The following COA5 variants were observed in gnomAD, a reference collection of about 807,000 sequenced individuals.
COA5 encodes cytochrome c oxidase assembly factor 5, also known as protein C2orf64.
Under a neutral mutation model 11.8 loss-of-function variants are expected in COA5, and 11 were observed. That is an observed-to-expected ratio of 0.93 (90% CI 0.59 to 1.54). The LOEUF (loss-of-function observed/expected upper bound fraction) is 1.54, where lower values mean the gene tolerates loss of function less well. Ranked by LOEUF, COA5 falls within the 40% of genes most tolerant of loss-of-function variation. The pLI, the probability that COA5 is intolerant of heterozygous loss-of-function variation, is 0.00. For missense variants in COA5, 87 were observed against 89.2 expected (o/e 0.97, Z 0.10); for synonymous variants, 38 against 37.5 (o/e 1.01, Z -0.05).
At chr2:98,600,892 A>G in intron 2 of COA5, 99 bp from the exon 3 acceptor site, 1 of 778,318 alleles carries the variant, frequency 1.3e-6, no homozygotes, top group South Asian at 1.5e-5. Context: ...GAAATAAACC[A>G]GTTATTAGCA....
chr2:98,604,175 C>A lies in COA5; in HGVS notation c.116G>T (p.Arg39Leu), dbSNP rs376113873. 1 of 1,613,488 alleles carries A rather than the reference C, an allele frequency of 6.2e-7. No individual in the cohort carries two copies. The highest frequency in any genetic ancestry group is 1.7e-5 in the Admixed American group (1 of 60,014). The stretch of plus-strand genomic sequence containing the variant: ...GCAGTATCCTTCCTTCAAACACTGC[C>A]GAGGTGATTTTCCTTCCTATGACAG... Reference protein sequence around the residue: ...DCVVQEGKSPRQCLKEGYCNS... With the variant: ...DCVVQEGKSPLQCLKEGYCNS... The change falls in exon 2 of 3, where the codon CGG (arginine) becomes CTG (leucine). Residue 39 changes from arginine to leucine, a missense_variant. Physicochemically the swap from Arg to Leu is moderately radical, Grantham distance 102. Transcript: ENST00000328709.
chr2:98,607,211 T>C (rs1204969139), intron 1 of COA5, among the ~76,000 whole-genome samples: 1 of 152,212 alleles, frequency 6.6e-6, no homozygotes, highest in Non-Finnish European at 1.5e-5. Flanking sequence ...TCATCTTCGT[T>C]ATCACCAGTG....
intron 1 of COA5, among the ~76,000 whole-genome samples, chr2:98,605,147 G>A (rs975565645): frequency 1.2e-4 from 19 of 152,288 alleles, no homozygotes; most frequent in Admixed American, 1.1e-3. Flanking sequence ...ACAGTCATTC[G>A]TTATCCACTC....
chr2:98,603,182 C>T (rs1028506463), intron 2 of COA5, among the ~76,000 whole-genome samples: 2 of 152,082 alleles, frequency 1.3e-5, no homozygotes, highest in Non-Finnish European at 2.9e-5. Flanking sequence ...CCTAAGCAAA[C>T]AAAAGCATGC....
rs113077225 is a variant in COA5, at chr2:98,600,375, A to T, written c.*377T>A. 789 of 240,218 alleles carry T rather than the reference A, an allele frequency of 3.3e-3. 7 individuals carry two copies. Among genetic ancestry groups the T allele is most frequent in the African/African-American group, 0.017 (746 of 44,636 alleles). The allele number at this position is 240,218 out of a possible 1,614,324, so 14.9% of individuals were successfully genotyped here. ...AACTTTCCCAACAGACACCTTCTGG[A>T]TAGGCTGCATGTTATCGACTGTGTC... On this transcript the variant is annotated 3_prime_UTR_variant, in exon 3 of 3. Transcript: ENST00000328709.
intron 1 of COA5, among the ~76,000 whole-genome samples, chr2:98,607,916 G>A (rs748940869): frequency 3.0e-4 from 45 of 152,348 alleles, no homozygotes; most frequent in Middle Eastern, 3.4e-3. Flanking sequence ...GACACTACTG[G>A]CCAGGGCAGT....
At chr2:98,601,658 A>G (rs570653864) in intron 2 of COA5, among the ~76,000 whole-genome samples, 1 of 152,326 alleles carries the variant, frequency 6.6e-6, no homozygotes, top group South Asian at 2.1e-4. Flanking sequence ...TCCAGGCCAT[A>G]GACCTGTACC....
chr2:98,608,001 T>C (rs928051805), intron 1 of COA5, among the ~76,000 whole-genome samples: 4 of 152,272 alleles, frequency 2.6e-5, no homozygotes, highest in Admixed American at 1.3e-4. Flanking sequence ...GAAACCTGGC[T>C]TATTCTCCTT....
In COA5 at chr2:98,601,980, C is replaced by T. The variant is rs138803949; in HGVS notation, c.184-1187G>A. 6.5e-3 allele frequency among the ~76,000 whole-genome samples: 987 copies of T among 152,240 alleles called. 18 individuals are homozygous for T. Among genetic ancestry groups the T allele is most frequent in the African/African-American group, 0.022 (924 of 41,544 alleles). ...TTGGTCCCTGGTGCCAAAAATGTTGCAGACCACTATTCTATAGGAAGGAAT... is the reference window on the plus strand; with the variant it reads ...TTGGTCCCTGGTGCCAAAAATGTTGTAGACCACTATTCTATAGGAAGGAAT... On this transcript the variant is annotated intron_variant, in intron 2 of 2. Coordinates refer to ENST00000328709, the MANE Select transcript of COA5 (RefSeq NM_001008215.3).
rs387907099 is a variant in COA5, at chr2:98,604,134, C to G, written c.157G>C (p.Ala53Pro). Residue 53 changes from alanine to proline, a missense_variant, in exon 2 of 3, where the codon GCA (alanine) becomes CCA (proline). Transcript: ENST00000328709. ...ACTGATCTTTTACACTCAAAAAATG[C>G]GTACTTCAAAGAGTTGCAGTATCCT... ...KEGYCNSLKY[A>P]FFECKRSVLD... The G allele has an allele frequency of 6.2e-7, 1 of 1,613,612 alleles. No homozygotes were observed. Among genetic ancestry groups the G allele is most frequent in the Non-Finnish European group, 8.5e-7 (1 of 1,179,658 alleles).
chr2:98,603,220 T>C (rs777894531), intron 2 of COA5, among the ~76,000 whole-genome samples: 19 of 152,210 alleles, frequency 1.2e-4, no homozygotes, highest in Non-Finnish European at 7.3e-5. Flanking sequence ...GGCTCACTCC[T>C]GTAATCCCAG....
intron 2 of COA5, chr2:98,602,420 AG>A: frequency 6.6e-6 from 1 of 152,142 alleles, no homozygotes; most frequent in Non-Finnish European, 1.5e-5. Context: ...GCACTCTGGG[AG>A]GGAGAGGTGG....
chr2:98,604,625 A>G (rs76525766), intron 1 of COA5: 46,941 of 182,660 alleles, frequency 0.26, 6,233 homozygotes, highest in Middle Eastern at 0.35. Context: ...CATGCACCAG[A>G]AAAAATATAA....
chr2:98,608,270 A>G, intron 1 of COA5, 37 bp downstream of exon 1: 1 of 1,484,212 alleles, frequency 6.7e-7, no homozygotes, highest in Non-Finnish European at 9.2e-7. Context: ...TGCCTGGGAC[A>G]GGGGTCGTCA....
intron 2 of COA5, among the ~76,000 whole-genome samples, chr2:98,601,550 G>T (rs1274375971): frequency 6.6e-6 from 1 of 152,162 alleles, no homozygotes; most frequent in Non-Finnish European, 1.5e-5. Flanking sequence ...ATTTCTTAAG[G>T]GTAGTAGGTA....
chr2:98,601,591 G>T (rs1167745911), intron 2 of COA5, among the ~76,000 whole-genome samples: 1 of 152,134 alleles, frequency 6.6e-6, no homozygotes, highest in Non-Finnish European at 1.5e-5. Flanking sequence ...AGTTTGTAAG[G>T]CAAACTTGCA....
intron 2 of COA5, among the ~76,000 whole-genome samples, chr2:98,601,375 T>C (rs563757013): frequency 6.6e-6 from 1 of 152,358 alleles, no homozygotes; most frequent in Non-Finnish European, 1.5e-5. Flanking sequence ...CTTAACTTTC[T>C]AGGTTTAGGT....
chr2:98,606,631 G>C (rs940094999), intron 1 of COA5, among the ~76,000 whole-genome samples: 1 of 152,204 alleles, frequency 6.6e-6, no homozygotes, highest in Non-Finnish European at 1.5e-5. Flanking sequence ...CATGTTTGCT[G>C]TATCAACCGC....
At chr2:98,602,968 T>TGTC (rs1700661328) in intron 2 of COA5, among the ~76,000 whole-genome samples, 1 of 152,188 alleles carries the variant, frequency 6.6e-6, no homozygotes, top group South Asian at 2.1e-4. Context: ...AATCCTCCTC[T>TGTC]ATTCACACTG....
Sources: gnomAD v4.1 joint callset for allele counts (sites outside exome capture counted in the v4.1 genomes callset) on GRCh38, gnomAD v4.1.1 for gene constraint, MANE v1.5 for transcripts, NCBI Gene and HGNC (gene_info 2026-07-23, HGNC 2026-07-21) for gene names.